RYR3: variants seen among roughly 807,000 people sequenced by gnomAD.
The protein encoded by RYR3 is ryanodine receptor 3.
Under a neutral mutation model 584.3 loss-of-function variants are expected in RYR3, and 207 were observed. That is an observed-to-expected ratio of 0.35 (90% CI 0.32 to 0.40). RYR3 has a LOEUF of 0.40. RYR3 is among the 10% of genes least tolerant of loss of function. RYR3 has a pLI of 1.00. For missense variants in RYR3, 5,616 were observed against 6,089.2 expected (o/e 0.92, Z 2.59); for synonymous variants, 2,416 against 2,248.5 (o/e 1.07, Z -2.11).
At chr15:33,669,857 G>GGGGGGT (rs1555401713) in intron 37 of RYR3, among the ~76,000 whole-genome samples, 2 of 60,246 alleles carry the variant, frequency 3.3e-5, no homozygotes, top group Admixed American at 2.3e-4. Context: ...GGGGGGGGGG[G>GGGGGGT]GTGTGGGTGT....
chr15:33,643,685 G>T (rs796139336), intron 27 of RYR3, among the ~76,000 whole-genome samples: 5 of 152,248 alleles, frequency 3.3e-5, no homozygotes, highest in African/African-American at 1.2e-4. Flanking sequence ...ATGTCACTGG[G>T]GAAGATGCTG....
At chr15:33,855,012 T>G in intron 98 of RYR3, 100 bp downstream of exon 98, 1 of 1,209,414 alleles carries the variant, frequency 8.3e-7, no homozygotes, top group Non-Finnish European at 1.1e-6. Context: ...GAATATGTCT[T>G]GGTATATAAT....
At chr15:33,382,797 G>A (rs149072380) in intron 1 of RYR3, among the ~76,000 whole-genome samples, 251 of 152,244 alleles carry the variant, frequency 1.6e-3, no homozygotes, top group African/African-American at 5.9e-3. Context: ...TTGTGGTACT[G>A]TTAATAGTAG....
rs527615535 is a variant in RYR3 at position 33,860,252 on chromosome 15, T to C, written c.14300-343T>C. Among the ~76,000 whole-genome samples the C allele has an allele frequency of 7.9e-5, 12 of 152,286 alleles. No individual in the cohort carries two copies. In the South Asian group the frequency reaches 1.4e-3, roughly 18 times the overall value. ...AACTGAGGAGGAACCCTGATCCACCTCAGTGTCAGAGGTGCTAGGAGAAGA... is the reference window on the plus strand; with the variant it reads ...AACTGAGGAGGAACCCTGATCCACCCCAGTGTCAGAGGTGCTAGGAGAAGA... On this transcript the variant is annotated intron_variant, in intron 100 of 103. Transcript: ENST00000634891.
chr15:33,356,805 G>A (rs183004768), intron 1 of RYR3, among the ~76,000 whole-genome samples: 2 of 152,248 alleles, frequency 1.3e-5, no homozygotes, highest in East Asian at 3.9e-4. Flanking sequence ...AACTAATGTA[G>A]CATTTAACTC....
intron 89 of RYR3, chr15:33,839,865 TTC>T (rs1368743245): frequency 1.3e-5 from 2 of 152,162 alleles, no homozygotes; most frequent in African/African-American, 4.8e-5. Context: ...TCCCACAATA[TTC>T]TGTTTTGCTC....
intron 2 of RYR3, among the ~76,000 whole-genome samples, chr15:33,501,383 A>T (rs1172517967): frequency 1.3e-5 from 2 of 152,236 alleles, no homozygotes; most frequent in Non-Finnish European, 2.9e-5. Context: ...CAGAATCTTT[A>T]GCATTTGGAG....
chr15:33,837,502 A>G (rs2152979637), intron 88 of RYR3, 129 bp from the exon 89 acceptor site: 2 of 997,454 alleles, frequency 2.0e-6, no homozygotes, highest in East Asian at 5.2e-5. Context: ...GCTCCCTCCT[A>G]CATCATCACG....
intron 97 of RYR3, 49 bp from the exon 98 acceptor site, chr15:33,854,717 C>T (rs1254160856): frequency 1.2e-5 from 18 of 1,557,876 alleles, no homozygotes; most frequent in Non-Finnish European, 1.5e-5. Flanking sequence ...TTATAATGAG[C>T]ACACTATGAG....
At chr15:33,675,634 A>G (rs1032068630) in intron 38 of RYR3, among the ~76,000 whole-genome samples, 5 of 152,202 alleles carry the variant, frequency 3.3e-5, no homozygotes, top group African/African-American at 1.2e-4. Flanking sequence ...TCTCATCTAT[A>G]AAATGGACAT....
rs1567552866 is a variant in RYR3, at chr15:33,566,717, A to G, written c.1186A>G (p.Thr396Ala). ...HQEGHMDDGL[T>A]LQRCQREESQ... ...GGAAGGCCACATGGATGATGGATTA[A>G]CACTGCAGAGATGCCAGCGTGAGGA... Residue 396 changes from threonine to alanine, a missense_variant, in exon 12 of 104, where the codon ACA (threonine) becomes GCA (alanine). Thr to Ala is a moderately conservative substitution (Grantham distance 58). Coordinates refer to ENST00000634891, the MANE Select transcript of RYR3 (RefSeq NM_001036.6). The G allele has an allele frequency of 5.6e-6, 9 of 1,613,670 alleles. No homozygotes were observed. Among genetic ancestry groups the G allele is most frequent in the Middle Eastern group, 1.6e-4 (1 of 6,084 alleles).
intron 1 of RYR3, among the ~76,000 whole-genome samples, chr15:33,330,378 T>C (rs141726687): frequency 2.0e-5 from 3 of 152,308 alleles, no homozygotes; most frequent in East Asian, 3.9e-4. Flanking sequence ...AGTCTCTTCA[T>C]TGGAGCAGTT....
chr15:33,337,849 A>G (rs1386694662), intron 1 of RYR3, among the ~76,000 whole-genome samples: 2 of 151,840 alleles, frequency 1.3e-5, no homozygotes, highest in Non-Finnish European at 2.9e-5. Flanking sequence ...ACACATGCCC[A>G]TCAGCAATAG....
At chr15:33,766,040 G>A (rs1596491578) in intron 60 of RYR3, among the ~76,000 whole-genome samples, 2 of 152,126 alleles carry the variant, frequency 1.3e-5, no homozygotes, top group Non-Finnish European at 2.9e-5. Context: ...CAGCATTTGG[G>A]GAGGCTGAGG....
rs527843957 is a variant in RYR3, at chr15:33,697,614, TAAAAC to T, written c.6135-265_6135-261del. 9.2e-5 allele frequency among the ~76,000 whole-genome samples: 14 copies of T among 152,174 alleles called. No homozygotes were observed. The East Asian group carries it at 2.3e-3, about 25-fold the overall frequency. ...TATCTAAAATTATTACAAGAAAAAA[TAAAAC>T]AAGGGATGTTTAATAGGTCATCAGA... On this transcript the variant is annotated intron_variant, in intron 39 of 103. Transcript: ENST00000634891.
chr15:33,818,769 G>C, intron 76 of RYR3, 85 bp downstream of exon 76: 1 of 928,364 alleles, frequency 1.1e-6, no homozygotes, highest in African/African-American at 1.6e-5. Flanking sequence ...GACGGCAGTG[G>C]GTGGAAAAGG....
At chr15:33,726,779 C>G (rs181188667) in intron 46 of RYR3, among the ~76,000 whole-genome samples, 51 of 152,380 alleles carry the variant, frequency 3.3e-4, no homozygotes, top group Admixed American at 3.1e-3. Context: ...CTCACCATGA[C>G]CAATTTCAAG....
At chr15:33,331,700 G>C (rs953809283) in intron 1 of RYR3, among the ~76,000 whole-genome samples, 3 of 151,882 alleles carry the variant, frequency 2.0e-5, no homozygotes, top group African/African-American at 7.3e-5. Context: ...TTAGCTAAAG[G>C]ATGTATTTCA....
intron 1 of RYR3, among the ~76,000 whole-genome samples, chr15:33,432,931 A>G (rs1002576875): frequency 1.3e-5 from 2 of 152,168 alleles, no homozygotes; most frequent in African/African-American, 2.4e-5. Context: ...TCTTTGGCCT[A>G]AATTAATCTA....
Sources: gnomAD v4.1 joint callset for allele counts (sites outside exome capture counted in the v4.1 genomes callset) on GRCh38, gnomAD v4.1.1 for gene constraint, MANE v1.5 for transcripts, NCBI Gene and HGNC (gene_info 2026-07-23, HGNC 2026-07-21) for gene names.